The following SOX13 variants were observed in gnomAD, a reference collection of about 807,000 sequenced individuals.
SOX13 encodes transcription factor SOX-13.
Under a neutral mutation model 71.8 loss-of-function variants are expected in SOX13, and 28 were observed. The observed-to-expected ratio is 0.39, with a 90% CI of 0.29 to 0.53. The LOEUF (loss-of-function observed/expected upper bound fraction) is 0.53. SOX13 is among the 20% of genes least tolerant of loss of function. The pLI is 0.70. For synonymous variants in SOX13, 309 were observed against 317.8 expected (o/e 0.97, Z 0.29); for missense variants, 627 against 810.3 (o/e 0.77, Z 2.75).
At chr1:204,096,480 G>A (rs1001313861) in intron 1 of SOX13, among the ~76,000 whole-genome samples, 3 of 151,194 alleles carry the variant, frequency 2.0e-5, no homozygotes. Context: ...ACAGTGGTGG[G>A]TTGTCGGCTC....
intron 1 of SOX13, among the ~76,000 whole-genome samples, chr1:204,097,812 C>G (rs2102238349): frequency 6.6e-6 from 1 of 152,150 alleles, no homozygotes; most frequent in East Asian, 1.9e-4. Context: ...TGGCCACCTC[C>G]TGGATGGATG....
rs539593249 is a variant in SOX13, at chr1:204,123,482, C to G, written c.1232-179C>G. ...CTCTGGTTCCCTGGCTGGGCCTCTG[C>G]GGATAATTTGCTGTTTCTTCTGCCC... is the stretch of plus-strand genomic sequence containing the variant. On this transcript the variant is annotated intron_variant, in intron 11 of 13. Coordinates refer to ENST00000367204, the MANE Select transcript of SOX13 (RefSeq NM_005686.3). The surrounding 1 kb of genome is among the most constrained non-coding windows in gnomAD (Gnocchi z 5.0). Among the ~76,000 whole-genome samples, 1 of 152,146 alleles carries G rather than the reference C, an allele frequency of 6.6e-6. No individual in the cohort carries two copies. The highest frequency in any genetic ancestry group is 6.5e-5 in the Admixed American group (1 of 15,282).
rs1571558729 is a variant in SOX13 at position 204,074,375 on chromosome 1, C to T, written c.-2+664C>T. 2.0e-5 allele frequency: 3 copies of T among 151,900 alleles called. 1 individual carries two copies. The Middle Eastern group carries it at 0.01, about 517-fold the overall frequency. 9.4% of individuals were successfully genotyped at this position (151,900 alleles called of 1,614,324 possible). A position where few individuals can be genotyped will look rare whatever the true frequency, so the allele number is the denominator to read the frequency against. On this transcript the variant is annotated intron_variant, in intron 1 of 13. Coordinates refer to ENST00000367204, the MANE Select transcript of SOX13 (RefSeq NM_005686.3). ...GCTTCTTGCTACCCCCACCTCCCGC[C>T]CTGGGATATCGTAGGTGAGCCTTTT...
intron 1 of SOX13, among the ~76,000 whole-genome samples, chr1:204,111,371 AGCTGGAACCT>A (rs1656576850): frequency 6.6e-6 from 1 of 152,204 alleles, no homozygotes; most frequent in African/African-American, 2.4e-5. Context: ...ACCCATGCAT[AGCTGGAACCT>A]GCTGTGTTCC....
At chr1:204,088,241 CAGAT>C (rs1332835335) in intron 1 of SOX13, among the ~76,000 whole-genome samples, 1 of 152,144 alleles carries the variant, frequency 6.6e-6, no homozygotes, top group Non-Finnish European at 1.5e-5. Flanking sequence ...TCATGTTTCT[CAGAT>C]AGCCACAAAG....
chr1:204,107,574 T>C (rs1368840522), intron 1 of SOX13, among the ~76,000 whole-genome samples: 3 of 152,072 alleles, frequency 2.0e-5, no homozygotes, highest in Non-Finnish European at 4.4e-5. Flanking sequence ...CTCTGGGCCA[T>C]GGCAGGCTGG....
intron 1 of SOX13, among the ~76,000 whole-genome samples, chr1:204,078,999 C>G (rs995016286): frequency 6.6e-6 from 1 of 152,182 alleles, no homozygotes; most frequent in Non-Finnish European, 1.5e-5. Flanking sequence ...TTGCAGCTCC[C>G]CTAGGAAAAG....
chr1:204,117,118 C>G lies in SOX13; in HGVS notation c.592-4C>G, dbSNP rs201557813. On this transcript the variant is annotated splice_region_variant and splice_polypyrimidine_tract_variant and intron_variant, in intron 5 of 13. Transcript: ENST00000367204. ...CCCCTCTGCCTACTCTTTCCCTCTCCCAGATTGCAAAGCAGCAGCAGCAGC... is the reference window on the plus strand; with the variant it reads ...CCCCTCTGCCTACTCTTTCCCTCTCGCAGATTGCAAAGCAGCAGCAGCAGC... The G allele has an allele frequency of 1.1e-4, 173 of 1,613,812 alleles. No homozygotes were observed. The African/African-American group carries it at 2.0e-3, about 19-fold the overall frequency.
At chr1:204,125,709 A>G in intron 13 of SOX13, 149 bp from the exon 14 acceptor site, 3 of 850,618 alleles carry the variant, frequency 3.5e-6, no homozygotes, top group Non-Finnish European at 5.4e-6. Context: ...GAATTTGGCC[A>G]TCAGAAAGCA....
intron 1 of SOX13, among the ~76,000 whole-genome samples, chr1:204,112,376 G>A (rs978521578): frequency 1.3e-5 from 2 of 152,068 alleles, no homozygotes; most frequent in African/African-American, 4.8e-5. Flanking sequence ...GGGAGGCGGA[G>A]GTTGCAGTGA....
intron 5 of SOX13, 131 bp downstream of exon 5, chr1:204,116,810 G>C (rs1479395365): frequency 6.8e-7 from 1 of 1,474,578 alleles, no homozygotes; most frequent in East Asian, 2.4e-5. Flanking sequence ...CAGGGTCTGT[G>C]GCCAGGGGCT....
rs572264932 is a variant in SOX13 at position 204,090,558 on chromosome 1, G to A, written c.-2+16847G>A. Among the ~76,000 whole-genome samples, 50 of 152,026 alleles carry A rather than the reference G, an allele frequency of 3.3e-4. No individual in the cohort carries two copies. In the South Asian group the frequency reaches 7.9e-3, roughly 24 times the overall value. Reference sequence around the variant, plus strand: ...CGAGTAGCTGGGATTACAGGTGTGCGCCACCACACTCGGCTAACTTTTTTG... The same window carrying A: ...CGAGTAGCTGGGATTACAGGTGTGCACCACCACACTCGGCTAACTTTTTTG... On this transcript the variant is annotated intron_variant, in intron 1 of 13. Transcript: ENST00000367204.
chr1:204,121,125 G>A (rs537730218), intron 7 of SOX13, among the ~76,000 whole-genome samples: 88 of 152,054 alleles, frequency 5.8e-4, no homozygotes, highest in African/African-American at 2.0e-3. Context: ...GATTACAGGC[G>A]CGTGCCACCG....
chr1:204,082,920 T>TGCA (rs1412605551), intron 1 of SOX13, among the ~76,000 whole-genome samples: 1 of 152,198 alleles, frequency 6.6e-6, no homozygotes, highest in African/African-American at 2.4e-5. Context: ...CTTAGAGTTG[T>TGCA]GCAGTGCACA....
intron 1 of SOX13, among the ~76,000 whole-genome samples, chr1:204,085,147 C>T (rs1655989925): frequency 6.6e-6 from 1 of 152,178 alleles, no homozygotes; most frequent in African/African-American, 2.4e-5. Context: ...CTTTACAGAG[C>T]ACCTACTGTG....
In SOX13 at chr1:204,123,683, C is replaced by T. The variant is rs747532348; in HGVS notation, c.1254C>T (p.Ser418=). The change falls in exon 12 of 14, where the codon TCC becomes TCT. Residue 418 remains serine (S), a synonymous_variant. Coordinates refer to ENST00000367204, the MANE Select transcript of SOX13 (RefSeq NM_005686.3). This position sits in a 1 kb window ranked among gnomAD's most constrained non-coding sequence, Gnocchi z 5.0. ...CAGGCTCCCGCCACTTCCCCGAGTC[C>T]CGAAACAGCAGCCACATCAAGAGGC... ...DMDGSRHFPE[S]RNSSHIKRPM... 28 of 1,613,934 alleles carry T rather than the reference C, an allele frequency of 1.7e-5. No homozygotes were observed. The highest frequency in any genetic ancestry group is 2.4e-5 in the Non-Finnish European group (28 of 1,179,994).
intron 1 of SOX13, 138 bp from the exon 2 acceptor site, chr1:204,112,777 C>A (rs188761792): frequency 2.6e-5 from 16 of 614,282 alleles, no homozygotes; most frequent in African/African-American, 2.0e-4. Flanking sequence ...GTAAGCTTGC[C>A]CTTTCTGTGA....
At chr1:204,082,024 G>A (rs1398847741) in intron 1 of SOX13, among the ~76,000 whole-genome samples, 1 of 151,698 alleles carries the variant, frequency 6.6e-6, no homozygotes, top group Non-Finnish European at 1.5e-5. Context: ...TTCAGCCCCT[G>A]CTGTTTCTCA....
Position 204,073,512 on chromosome 1 carries a change from C to G in SOX13, c.-201C>G, listed in dbSNP as rs1260595222. 6.6e-6 allele frequency: 1 copy of G among 151,438 alleles called. No individual in the cohort carries two copies. The highest frequency in any genetic ancestry group is 1.5e-5 in the Non-Finnish European group (1 of 67,766). 9.4% of individuals were successfully genotyped at this position (151,438 alleles called of 1,614,324 possible). On this transcript the variant is annotated 5_prime_UTR_variant, in exon 1 of 14. Coordinates refer to ENST00000367204, the MANE Select transcript of SOX13 (RefSeq NM_005686.3). The surrounding 1 kb of genome is among the most constrained non-coding windows in gnomAD (Gnocchi z 6.8). ...CCGTGGGGCGCGGACCCAGGGTGGC[C>G]GTGGGTCCGCAGCGACTCCCCGGCC...
Sources: allele counts gnomAD v4.1 joint callset (sites outside exome capture counted in the v4.1 genomes callset), GRCh38; gene constraint gnomAD v4.1.1; non-coding constraint Gnocchi (gnomAD v3.1); transcripts MANE v1.5; gene names NCBI Gene and HGNC (gene_info 2026-07-23, HGNC 2026-07-21).